Variants in ADGRD1 observed in about 807,000 individuals in gnomAD.
The protein encoded by ADGRD1 is G-protein coupled receptor 133.
ADGRD1 carries 77 observed loss-of-function variants against 113.4 expected under a neutral mutation model. The observed-to-expected ratio is 0.68, with a 90% CI of 0.57 to 0.82. ADGRD1 has a LOEUF of 0.82. ADGRD1 is among the 40% of genes least tolerant of loss of function. The probability of loss-of-function intolerance (pLI) is 0.00; values close to 1 mark genes in which losing one functional copy is unlikely to be tolerated. For missense variants in ADGRD1, 1,036 were observed against 1,139.1 expected (o/e 0.91, Z 1.30); for synonymous variants, 474 against 475.0 (o/e 1.00, Z 0.03).
chr12:131,000,455 A>C lies in ADGRD1; in HGVS notation c.1026+13A>C, dbSNP rs1468767895. ...TGCTCTGTCAGAGGTAAGAGAAAAG[A>C]ACATGGTCGGTCATGGTGGCTCATA... is the stretch of plus-strand genomic sequence containing the variant. On this transcript the variant is annotated intron_variant, in intron 9 of 24. Transcript: ENST00000261654. 6 of 1,608,062 alleles carry C rather than the reference A, an allele frequency of 3.7e-6. No homozygotes were observed. In the South Asian group the frequency reaches 6.6e-5, roughly 18 times the overall value.
At chr12:131,098,773 C>A (rs573428182) in intron 15 of ADGRD1, among the ~76,000 whole-genome samples, 1 of 152,358 alleles carries the variant, frequency 6.6e-6, no homozygotes, top group East Asian at 1.9e-4. Context: ...TATTTATTCA[C>A]GTTTACACAT....
At chr12:131,072,065 G>A (rs994730901) in intron 13 of ADGRD1, among the ~76,000 whole-genome samples, 55 of 150,886 alleles carry the variant, frequency 3.6e-4, no homozygotes, top group Non-Finnish European at 5.8e-4. Context: ...GCAATTCAGA[G>A]TACTTTCTTT....
rs1049225324 is a variant in ADGRD1, at chr12:131,137,409, G to A, written c.2436+395G>A. On this transcript the variant is annotated intron_variant, in intron 23 of 24. Transcript: ENST00000261654. ...CTCCTTGGACTCTGGGGCAGCCAGCGCAGGCTTATTCTTTCGGTGCTGCTC... is the reference window on the plus strand; with the variant it reads ...CTCCTTGGACTCTGGGGCAGCCAGCACAGGCTTATTCTTTCGGTGCTGCTC... 3.3e-5 allele frequency among the ~76,000 whole-genome samples: 5 copies of A among 152,246 alleles called. No individual in the cohort carries two copies. The East Asian group carries it at 5.8e-4, about 18-fold the overall frequency.
intron 22 of ADGRD1, 48 bp from the exon 23 acceptor site, chr12:131,136,925 C>T (rs773026243): frequency 6.8e-7 from 1 of 1,480,096 alleles, no homozygotes; most frequent in Non-Finnish European, 9.5e-7. Context: ...GTGTTCCTAA[C>T]TACGTGCAAA....
chr12:131,078,178 G>A (rs1885790442), intron 14 of ADGRD1, among the ~76,000 whole-genome samples: 1 of 152,366 alleles, frequency 6.6e-6, no homozygotes, highest in Non-Finnish European at 1.5e-5. Flanking sequence ...TGCACCCAGA[G>A]GGCCAGGAGA....
chr12:131,105,898 TC>T, intron 17 of ADGRD1, 33 bp downstream of exon 17: 1 of 1,504,164 alleles, frequency 6.6e-7, no homozygotes, highest in Non-Finnish European at 9.1e-7. Flanking sequence ...TCCTGCGCTG[TC>T]CTTCCCTTGC....
intron 17 of ADGRD1, among the ~76,000 whole-genome samples, chr12:131,108,125 G>T (rs1021979637): frequency 6.6e-6 from 1 of 152,198 alleles, no homozygotes; most frequent in African/African-American, 2.4e-5. Context: ...CCAAGGCCCT[G>T]CCTTTCTGTC....
At position 131,096,017 on chromosome 12, in the gene ADGRD1, AGCGGCTT is replaced by A. The variant is rs1887256952; in HGVS notation, c.1672-8813_1672-8807del. ...CCCGCCTCCCAGCCCTGCCCAGAGCAGCGGCTTAGGGTCACGGCCACCATTCCTGCCT... is the reference window on the plus strand; with the variant it reads ...CCCGCCTCCCAGCCCTGCCCAGAGCAAGGGTCACGGCCACCATTCCTGCCT... On this transcript the variant is annotated intron_variant, in intron 15 of 24. Coordinates refer to ENST00000261654, the MANE Select transcript of ADGRD1 (RefSeq NM_198827.5). The surrounding 1 kb of genome is among the most constrained non-coding windows in gnomAD (Gnocchi z 5.2). 1.1e-5 allele frequency among the ~76,000 whole-genome samples: 1 copy of A among 88,022 alleles called. No homozygotes were observed. The highest frequency in any genetic ancestry group is 2.5e-5 in the Non-Finnish European group (1 of 40,762). The allele number at this position is 88,022 out of a possible 152,430, so 57.7% of individuals were successfully genotyped here. A position where few individuals can be genotyped will look rare whatever the true frequency, so the allele number is the denominator to read the frequency against.
Position 131,027,422 on chromosome 12 carries a change from A to G in ADGRD1, c.1473+13082A>G, listed in dbSNP as rs1201019657. 1 of 152,160 alleles carries G rather than the reference A, an allele frequency of 6.6e-6. No individual in the cohort carries two copies. The highest frequency in any genetic ancestry group is 1.5e-5 in the Non-Finnish European group (1 of 68,034). 9.4% of individuals were successfully genotyped at this position (152,160 alleles called of 1,614,324 possible). On this transcript the variant is annotated intron_variant, in intron 13 of 24. Transcript: ENST00000261654. This position sits in a 1 kb window ranked among gnomAD's most constrained non-coding sequence, Gnocchi z 5.1. ...CCGTGCCAGTAGCTCAGACTGTATC[A>G]TCATTCTCACGGCTGCTTAATAGTC...
rs774424301 is a variant in ADGRD1, at chr12:131,084,639, C to T, written c.1647C>T (p.Ile549=). The T allele has an allele frequency of 3.1e-6, 5 of 1,614,180 alleles. No individual in the cohort carries two copies. In the Admixed American group the frequency reaches 8.3e-5, roughly 27 times the overall value. Reference sequence around the variant, plus strand: ...GCACTCACCTCACCAACTTTGCCATCCTCATGCAGGTGGTCCCGCTGGAGG... The same window carrying T: ...GCACTCACCTCACCAACTTTGCCATTCTCATGCAGGTGGTCCCGCTGGAGG... ...CRCTHLTNFA[I]LMQVVPLELA... Residue 549 remains isoleucine, a synonymous_variant, in exon 15 of 25, where the codon ATC becomes ATT. Transcript: ENST00000261654. The surrounding 1 kb of genome is among the most constrained non-coding windows in gnomAD (Gnocchi z 4.5).
chr12:131,122,009 G>T, intron 20 of ADGRD1: 1 of 152,490 alleles, frequency 6.6e-6, no homozygotes, highest in Non-Finnish European at 1.5e-5. Context: ...TGGTGGGGTC[G>T]TGATCAGAGG....
chr12:131,048,854 G>C (rs1296422638), intron 13 of ADGRD1, among the ~76,000 whole-genome samples: 5 of 152,192 alleles, frequency 3.3e-5, no homozygotes, highest in African/African-American at 1.2e-4. Context: ...CTCCGAGACT[G>C]TGCAGGGAAA....
At chr12:131,074,925 AT>A (rs566982489) in intron 13 of ADGRD1, among the ~76,000 whole-genome samples, 2 of 152,050 alleles carry the variant, frequency 1.3e-5, no homozygotes, top group East Asian at 1.9e-4. Flanking sequence ...TTGAAGAGTG[AT>A]TTAGATCTGA....
rs1315644761 is a variant in ADGRD1 at position 131,050,257 on chromosome 12, G to T, written c.1474-26544G>T. Among the ~76,000 whole-genome samples, 3 of 151,988 alleles carry T rather than the reference G, an allele frequency of 2.0e-5. No individual in the cohort carries two copies. The highest frequency in any genetic ancestry group is 7.3e-5 in the African/African-American group (3 of 41,376). On this transcript the variant is annotated intron_variant, in intron 13 of 24. Transcript: ENST00000261654. The surrounding 1 kb of genome is among the most constrained non-coding windows in gnomAD (Gnocchi z 4.8). ...CATCATCAATGAGATTCTCAGTCAG[G>T]ACATCCGGTGCTATTCATAGCCAGG...
Position 131,113,771 on chromosome 12 carries a change from G to A in ADGRD1, c.2042-4614G>A, listed in dbSNP as rs191478827. ...TCATCACGAGGATGCTTTTGCACAC[G>A]CTGGTCCTGAGGCCCGTGTCCTCTG... On this transcript the variant is annotated intron_variant, in intron 18 of 24. Transcript: ENST00000261654. The surrounding 1 kb of genome is among the most constrained non-coding windows in gnomAD (Gnocchi z 4.9). Among the ~76,000 whole-genome samples, 3 of 152,220 alleles carry A rather than the reference G, an allele frequency of 2.0e-5. No homozygotes were observed. The highest frequency in any genetic ancestry group is 2.0e-4 in the Admixed American group (3 of 15,292).
At chr12:131,112,410 G>A (rs530312422) in intron 18 of ADGRD1, among the ~76,000 whole-genome samples, 16 of 152,134 alleles carry the variant, frequency 1.1e-4, no homozygotes, top group South Asian at 2.1e-4. Context: ...AGGCCCCTTC[G>A]TAGGGGTATT....
At chr12:130,958,838 C>T (rs1488707670) in intron 2 of ADGRD1, among the ~76,000 whole-genome samples, 1 of 147,016 alleles carries the variant, frequency 6.8e-6, no homozygotes, top group Non-Finnish European at 1.5e-5. Context: ...TTTGTCTGCA[C>T]GTTGGGCCTT....
At chr12:131,014,709 C>T (rs1878356425) in intron 13 of ADGRD1, among the ~76,000 whole-genome samples, 1 of 152,214 alleles carries the variant, frequency 6.6e-6, no homozygotes. Context: ...CAAGATGCAG[C>T]ACTGTGTTCT....
At chr12:130,996,895 C>G (rs1875511979) in intron 8 of ADGRD1, among the ~76,000 whole-genome samples, 2 of 128,554 alleles carry the variant, frequency 1.6e-5, no homozygotes, top group South Asian at 5.2e-4. Flanking sequence ...TCCTCACTTC[C>G]CAGTAGGGGC....
Sources: allele counts gnomAD v4.1 joint callset (sites outside exome capture counted in the v4.1 genomes callset), GRCh38; gene constraint gnomAD v4.1.1; non-coding constraint Gnocchi (gnomAD v3.1); transcripts MANE v1.5; gene names NCBI Gene and HGNC (gene_info 2026-07-23, HGNC 2026-07-21).